Variants in TGFBR1 observed in about 807,000 individuals in gnomAD.
TGFBR1 encodes transforming growth factor beta receptor 1.
In TGFBR1, 20 loss-of-function variants were observed where a neutral mutation model predicts 55.1. That is an observed-to-expected ratio of 0.36 (90% CI 0.26 to 0.53). The LOEUF (loss-of-function observed/expected upper bound fraction) is 0.53, where lower values mean the gene tolerates loss of function less well. TGFBR1 is among the 20% of genes least tolerant of loss of function. The pLI is 0.91. For missense variants in TGFBR1, 385 were observed against 617.6 expected (o/e 0.62, Z 3.99); for synonymous variants, 220 against 214.8 (o/e 1.02, Z -0.21).
At chr9:99,132,883 A>G in intron 3 of TGFBR1, 144 bp downstream of exon 3, 1 of 1,164,106 alleles carries the variant, frequency 8.6e-7, no homozygotes, top group Non-Finnish European at 1.2e-6. Flanking sequence ...AAAAATCTTT[A>G]AGCTTGATGT....
At position 99,149,386 on chromosome 9, in the gene TGFBR1, C is replaced by T. The variant is rs1300007169; in HGVS notation, c.*81C>T. The T allele has an allele frequency of 6.4e-7, 1 of 1,565,522 alleles. No individual in the cohort carries two copies. The highest frequency in any genetic ancestry group is 1.4e-5 in the African/African-American group (1 of 73,930). Reference sequence around the variant, plus strand: ...ATTTGGGAGGTCAATTGTTCTACCTCACTGAGAGGGAACAGAAGGATATTG... The same window carrying T: ...ATTTGGGAGGTCAATTGTTCTACCTTACTGAGAGGGAACAGAAGGATATTG... On this transcript the variant is annotated 3_prime_UTR_variant, in exon 9 of 9. Transcript: ENST00000374994.
chr9:99,108,370 C>G (rs543228240), intron 1 of TGFBR1, among the ~76,000 whole-genome samples: 1 of 152,184 alleles, frequency 6.6e-6, no homozygotes, highest in Non-Finnish European at 1.5e-5. Context: ...TGTGTTGTTG[C>G]TAAAGAGCAG....
intron 4 of TGFBR1, among the ~76,000 whole-genome samples, chr9:99,138,774 C>T (rs1227986973): frequency 1.1e-4 from 17 of 151,698 alleles, no homozygotes; most frequent in Admixed American, 9.9e-4. Flanking sequence ...TCTTAGCTTC[C>T]GTTAATACCT....
intron 1 of TGFBR1, among the ~76,000 whole-genome samples, chr9:99,117,848 C>T (rs1229076543): frequency 1.3e-5 from 2 of 152,110 alleles, no homozygotes; most frequent in Non-Finnish European, 2.9e-5. Flanking sequence ...CTTGTCAGTT[C>T]CCACTGAATA....
chr9:99,123,472 G>GTAGGA (rs1480484116), intron 1 of TGFBR1, among the ~76,000 whole-genome samples: 1 of 152,014 alleles, frequency 6.6e-6, no homozygotes, highest in East Asian at 1.9e-4. Flanking sequence ...AACCAAATCA[G>GTAGGA]GTCCACCTGG....
chr9:99,132,859 G>A, intron 3 of TGFBR1, 120 bp downstream of exon 3: 1 of 1,336,278 alleles, frequency 7.5e-7, no homozygotes, highest in East Asian at 2.5e-5. Flanking sequence ...TAATATTGCA[G>A]GTTTGAACCT....
upstream of TGFBR1, chr9:99,104,963 A>C: frequency 1.1e-5 from 2 of 189,154 alleles, no homozygotes; most frequent in Non-Finnish European, 2.1e-5. Flanking sequence ...GCGGCTGCGG[A>C]TTGGCTGCCT....
intron 1 of TGFBR1, among the ~76,000 whole-genome samples, chr9:99,115,049 G>C (rs926365318): frequency 6.6e-6 from 1 of 152,180 alleles, no homozygotes; most frequent in Non-Finnish European, 1.5e-5. Context: ...TCTGTGGTTA[G>C]AAGCATTCTG....
At chr9:99,143,665 A>AGTTAT (rs1405806352) in intron 5 of TGFBR1, among the ~76,000 whole-genome samples, 1 of 152,228 alleles carries the variant, frequency 6.6e-6, no homozygotes, top group African/African-American at 2.4e-5. Flanking sequence ...GTTATAATTC[A>AGTTAT]CATCATAAAG....
At position 99,151,675 on chromosome 9, in the gene TGFBR1, A is replaced by G. The variant is rs1827982329; in HGVS notation, c.*2370A>G. ...AAAATGTACTTTTGATGAATCAGGG[A>G]ATTTTTTTAAAGTTGGAGTTTAGTT... On this transcript the variant is annotated 3_prime_UTR_variant, in exon 9 of 9. Coordinates refer to ENST00000374994, the MANE Select transcript of TGFBR1 (RefSeq NM_004612.4). The G allele has an allele frequency of 4.4e-6, 1 of 226,830 alleles. No individual in the cohort carries two copies. The highest frequency in any genetic ancestry group is 8.8e-6 in the Non-Finnish European group (1 of 113,878). 14.1% of individuals were successfully genotyped at this position (226,830 alleles called of 1,614,324 possible). A position where few individuals can be genotyped will look rare whatever the true frequency, so the allele number is the denominator to read the frequency against.
chr9:99,133,552 A>G (rs749743281), intron 3 of TGFBR1, among the ~76,000 whole-genome samples: 1 of 152,218 alleles, frequency 6.6e-6, no homozygotes, highest in Non-Finnish European at 1.5e-5. Context: ...CACTTGGTGA[A>G]GAATAAATAG....
rs749441442 is a variant in TGFBR1, at chr9:99,118,643, C to CT, written c.98-10192dup. ...GCCAAACTCCCTTACTGTTTTCTTT[C>CT]TTTTTTTTTTTTTTTTTTTTGAGAC... On this transcript the variant is annotated intron_variant, in intron 1 of 8. Transcript: ENST00000374994. Among the ~76,000 whole-genome samples the CT allele has an allele frequency of 7.1e-3, 920 of 129,724 alleles. 16 individuals carry two copies. The highest frequency in any genetic ancestry group is 0.02 in the Middle Eastern group (5 of 256). 85.1% of individuals were successfully genotyped at this position (129,724 alleles called of 152,430 possible).
chr9:99,121,414 A>C (rs907437417), intron 1 of TGFBR1, among the ~76,000 whole-genome samples: 1 of 152,036 alleles, frequency 6.6e-6, no homozygotes, highest in Non-Finnish European at 1.5e-5. Flanking sequence ...AGAAAAGGAG[A>C]ATCTATATAG....
In TGFBR1 at chr9:99,129,089, T is replaced by A; in HGVS notation, c.332T>A (p.Leu111His). 2 of 1,613,882 alleles carry A rather than the reference T, an allele frequency of 1.2e-6. No homozygotes were observed. The highest frequency in any genetic ancestry group is 1.7e-6 in the Non-Finnish European group (2 of 1,179,882). Residue 111 changes from leucine (L) to histidine (H), a missense_variant, in exon 2 of 9, where the codon CTT (leucine) becomes CAT (histidine). Coordinates refer to ENST00000374994, the MANE Select transcript of TGFBR1 (RefSeq NM_004612.4). ...CAGGACCATTGCAATAAAATAGAAC[T>A]TCCAACTACTGGTAAGTTGTATAAA... ...CNQDHCNKIE[L>H]PTTVKSSPGL...
At chr9:99,141,339 C>T (rs1827611397) in intron 4 of TGFBR1, among the ~76,000 whole-genome samples, 1 of 152,184 alleles carries the variant, frequency 6.6e-6, no homozygotes, top group Non-Finnish European at 1.5e-5. Context: ...CCAGAATCTT[C>T]TGAAAAGTTT....
intron 1 of TGFBR1, among the ~76,000 whole-genome samples, chr9:99,122,375 A>G (rs1826920758): frequency 6.6e-6 from 1 of 152,132 alleles, no homozygotes. Flanking sequence ...CTAGCAAGAC[A>G]TATGGGCTTG....
chr9:99,138,743 T>TA (rs1827516101), intron 4 of TGFBR1, among the ~76,000 whole-genome samples: 1 of 151,870 alleles, frequency 6.6e-6, no homozygotes, highest in South Asian at 2.1e-4. Flanking sequence ...GCAGTGACCT[T>TA]AGACTGTGCT....
chr9:99,148,677 T>C (rs1827879028), intron 8 of TGFBR1, among the ~76,000 whole-genome samples: 1 of 152,114 alleles, frequency 6.6e-6, no homozygotes, highest in African/African-American at 2.4e-5. Context: ...CATAGTTTAA[T>C]AAATGAGAGT....
chr9:99,121,839 C>T (rs1826906600), intron 1 of TGFBR1, among the ~76,000 whole-genome samples: 1 of 152,066 alleles, frequency 6.6e-6, no homozygotes, highest in Non-Finnish European at 1.5e-5. Flanking sequence ...AACTGGATTA[C>T]AACACTCTGC....
Sources: allele counts gnomAD v4.1 joint callset (sites outside exome capture counted in the v4.1 genomes callset), GRCh38; gene constraint gnomAD v4.1.1; transcripts MANE v1.5; gene names NCBI Gene and HGNC (gene_info 2026-07-23, HGNC 2026-07-21).